Variants in ARHGAP26 observed in about 807,000 individuals in gnomAD.
ARHGAP26 encodes the protein rho GTPase-activating protein 26.
A neutral mutation model predicts 104.8 loss-of-function variants in ARHGAP26; 38 were observed. The ratio of observed to expected loss-of-function variants is 0.36; its 90% CI spans 0.28 to 0.48. The LOEUF is 0.48. Ranked by LOEUF, ARHGAP26 falls within the 20% of genes least tolerant of loss-of-function variation. ARHGAP26 has a pLI of 0.99. For synonymous variants in ARHGAP26, 341 were observed against 340.0 expected (o/e 1.00, Z -0.03); for missense variants, 704 against 947.9 (o/e 0.74, Z 3.38).
intron 20 of ARHGAP26, among the ~76,000 whole-genome samples, chr5:143,180,869 C>T (rs756869250): frequency 7.9e-5 from 12 of 152,158 alleles, no homozygotes; most frequent in Admixed American, 4.6e-4. Flanking sequence ...TCTTTAGGCC[C>T]ATCTACCCAA....
chr5:142,892,084 T>A (rs1241544258), intron 5 of ARHGAP26, among the ~76,000 whole-genome samples: 1 of 151,728 alleles, frequency 6.6e-6, no homozygotes. Flanking sequence ...TGAGAGGGAG[T>A]GTTGAAATTT....
At chr5:142,792,804 C>T (rs1760131386) in intron 1 of ARHGAP26, among the ~76,000 whole-genome samples, 1 of 152,184 alleles carries the variant, frequency 6.6e-6, no homozygotes, top group African/African-American at 2.4e-5. Flanking sequence ...CTGATGTGCC[C>T]TATGCCTTTT....
At chr5:143,058,986 C>T (rs1176476110) in intron 17 of ARHGAP26, among the ~76,000 whole-genome samples, 1 of 152,176 alleles carries the variant, frequency 6.6e-6, no homozygotes, top group Non-Finnish European at 1.5e-5. Flanking sequence ...CTAAAGGTGT[C>T]AAAGAATCCC....
intron 21 of ARHGAP26, among the ~76,000 whole-genome samples, chr5:143,208,092 C>A (rs1174542212): frequency 1.3e-5 from 2 of 152,190 alleles, no homozygotes; most frequent in Non-Finnish European, 2.9e-5. Flanking sequence ...TGAGGGAGAG[C>A]AGCTTGACCT....
At chr5:143,131,375 G>T (rs79894856) in intron 18 of ARHGAP26, among the ~76,000 whole-genome samples, 2 of 152,068 alleles carry the variant, frequency 1.3e-5, no homozygotes, top group Non-Finnish European at 2.9e-5. Context: ...TTGGGTAAGG[G>T]TCTCATTTTC....
chr5:142,933,323 A>C (rs1216907572), intron 11 of ARHGAP26, among the ~76,000 whole-genome samples: 1 of 152,146 alleles, frequency 6.6e-6, no homozygotes, highest in Non-Finnish European at 1.5e-5. Flanking sequence ...TAACCTGTTT[A>C]TTTCTCTTAG....
chr5:143,096,366 A>G (rs1255872039), intron 17 of ARHGAP26, among the ~76,000 whole-genome samples: 3 of 152,244 alleles, frequency 2.0e-5, no homozygotes, highest in East Asian at 3.8e-4. Context: ...CATAAATTTT[A>G]TCATTGCAAC....
intron 11 of ARHGAP26, among the ~76,000 whole-genome samples, chr5:143,006,639 C>T (rs1056661200): frequency 6.6e-6 from 1 of 152,144 alleles, no homozygotes; most frequent in Non-Finnish European, 1.5e-5. Flanking sequence ...ATTTTTGCTC[C>T]ACTGAGCACA....
At chr5:142,909,396 G>A (rs1193234829) in intron 9 of ARHGAP26, among the ~76,000 whole-genome samples, 2 of 152,308 alleles carry the variant, frequency 1.3e-5, no homozygotes, top group East Asian at 1.9e-4. Flanking sequence ...GGTTAAAAGC[G>A]CTGGCTTTGC....
chr5:142,837,034 G>T (rs1157468434), intron 1 of ARHGAP26, among the ~76,000 whole-genome samples: 1 of 152,164 alleles, frequency 6.6e-6, no homozygotes. Context: ...ATCTCTCGCA[G>T]AACGCATTTG....
intron 11 of ARHGAP26, among the ~76,000 whole-genome samples, chr5:143,004,499 G>T (rs117219572): frequency 1.3e-5 from 2 of 152,278 alleles, no homozygotes; most frequent in East Asian, 3.9e-4. Flanking sequence ...AGGAATGCCC[G>T]GGATGCCTTC....
chr5:142,789,049 T>A (rs58036254), intron 1 of ARHGAP26, among the ~76,000 whole-genome samples: 6,809 of 152,296 alleles, frequency 0.045, 170 homozygotes, highest in East Asian at 0.081. Context: ...CCAACCCTTT[T>A]GCGTGGAACT....
At chr5:142,818,911 A>G (rs1349677546) in intron 1 of ARHGAP26, among the ~76,000 whole-genome samples, 1 of 151,840 alleles carries the variant, frequency 6.6e-6, no homozygotes, top group Non-Finnish European at 1.5e-5. Context: ...TTCAAGCCCT[A>G]CCCTCTTTTG....
chr5:143,089,031 C>T (rs187785135), intron 17 of ARHGAP26, among the ~76,000 whole-genome samples: 4 of 152,150 alleles, frequency 2.6e-5, no homozygotes, highest in Middle Eastern at 3.4e-3. Flanking sequence ...GGTTGCTTTA[C>T]GAGGAAGTTA....
At chr5:142,815,354 T>C (rs892917619) in intron 1 of ARHGAP26, among the ~76,000 whole-genome samples, 1 of 152,208 alleles carries the variant, frequency 6.6e-6, no homozygotes, top group East Asian at 1.9e-4. Flanking sequence ...ATTACATAAT[T>C]TTTATGCTTG....
At chr5:142,956,992 T>A (rs1158284426) in intron 11 of ARHGAP26, among the ~76,000 whole-genome samples, 1 of 152,124 alleles carries the variant, frequency 6.6e-6, no homozygotes, top group Non-Finnish European at 1.5e-5. Context: ...GACATACAAT[T>A]CAAGTTGAGA....
At chr5:143,151,781 C>T (rs1799871767) in intron 20 of ARHGAP26, among the ~76,000 whole-genome samples, 1 of 152,050 alleles carries the variant, frequency 6.6e-6, no homozygotes, top group Non-Finnish European at 1.5e-5. Context: ...CATGGTGAAA[C>T]CCCATCTCTA....
intron 10 of ARHGAP26, among the ~76,000 whole-genome samples, chr5:142,917,442 T>C (rs1279726474): frequency 4.6e-5 from 7 of 152,214 alleles, no homozygotes; most frequent in Non-Finnish European, 1.0e-4. Flanking sequence ...CTGTGAAATC[T>C]GGGAAGTGCT....
intron 4 of ARHGAP26, among the ~76,000 whole-genome samples, chr5:142,881,712 A>G (rs1312934665): frequency 1.3e-5 from 2 of 152,192 alleles, no homozygotes; most frequent in Non-Finnish European, 2.9e-5. Flanking sequence ...TTTAAGAGAC[A>G]ACAAACAAGC....
Sources: allele counts gnomAD v4.1 joint callset (sites outside exome capture counted in the v4.1 genomes callset), GRCh38; gene constraint gnomAD v4.1.1; transcripts MANE v1.5; gene names NCBI Gene and HGNC (gene_info 2026-07-23, HGNC 2026-07-21).